Variants in LRRTM4 observed in about 807,000 individuals in gnomAD.
The protein encoded by LRRTM4 is leucine-rich repeat transmembrane neuronal protein 4.
A neutral mutation model predicts 47.6 loss-of-function variants in LRRTM4; 25 were observed. That is an observed-to-expected ratio of 0.53 (90% CI 0.38 to 0.73). LRRTM4 has a LOEUF of 0.73. Among genes scored for constraint, LRRTM4 ranks in the 30% least tolerant of loss-of-function variants. The pLI is 0.00. For synonymous variants in LRRTM4, 311 were observed against 269.5 expected, an observed-to-expected ratio of 1.15 and a Z score of -1.51; for missense variants, 638 against 713.4, an observed-to-expected ratio of 0.89 and a Z score of 1.20.
intron 3 of LRRTM4, among the ~76,000 whole-genome samples, chr2:77,018,181 C>T (rs1360572517): frequency 2.0e-5 from 3 of 148,326 alleles, no homozygotes; most frequent in African/African-American, 7.5e-5. Context: ...AAAAATAGGT[C>T]CCCCAAAGAA....
intron 3 of LRRTM4, among the ~76,000 whole-genome samples, chr2:77,014,184 T>C (rs1457880842): frequency 1.3e-5 from 2 of 151,908 alleles, no homozygotes; most frequent in African/African-American, 2.4e-5. Context: ...AAGAGGAGTA[T>C]ACAAAGGCAA....
chr2:76,995,480 A>G (rs983384963), intron 3 of LRRTM4, among the ~76,000 whole-genome samples: 3 of 151,994 alleles, frequency 2.0e-5, no homozygotes, highest in African/African-American at 7.2e-5. Flanking sequence ...ACAGCAATAA[A>G]TGAAGCCTGA....
intron 3 of LRRTM4, among the ~76,000 whole-genome samples, chr2:76,948,491 T>A (rs1190164940): frequency 6.6e-6 from 1 of 151,830 alleles, no homozygotes; most frequent in Non-Finnish European, 1.5e-5. Context: ...CTTTTCATAT[T>A]TTTTTGATAT....
chr2:77,230,650 C>T (rs75051142), intron 3 of LRRTM4, among the ~76,000 whole-genome samples: 3,076 of 151,976 alleles, frequency 0.02, 111 homozygotes, highest in African/African-American at 0.071. Flanking sequence ...TCTATGTAAT[C>T]GGGGGTTTTA....
intron 3 of LRRTM4, among the ~76,000 whole-genome samples, chr2:77,020,799 G>A (rs1678239975): frequency 6.6e-6 from 1 of 152,148 alleles, no homozygotes; most frequent in African/African-American, 2.4e-5. Context: ...CAACAACAAC[G>A]AAGATGCTGA....
intron 3 of LRRTM4, among the ~76,000 whole-genome samples, chr2:76,844,424 C>T (rs1007068648): frequency 7.2e-5 from 11 of 152,142 alleles, no homozygotes; most frequent in African/African-American, 2.2e-4. Flanking sequence ...TGTGAGCCAC[C>T]GTGCCTGGCC....
At chr2:77,043,064 G>C (rs189554536) in intron 3 of LRRTM4, among the ~76,000 whole-genome samples, 2 of 151,690 alleles carry the variant, frequency 1.3e-5, no homozygotes, top group African/African-American at 4.8e-5. Flanking sequence ...CCATGGTTTC[G>C]TTAGGCCTAC....
At chr2:77,493,301 A>G (rs187074192) in intron 3 of LRRTM4, among the ~76,000 whole-genome samples, 8 of 152,216 alleles carry the variant, frequency 5.3e-5, no homozygotes, top group African/African-American at 1.9e-4. Flanking sequence ...AACAGGGAAA[A>G]TGAATCGGTA....
intron 3 of LRRTM4, among the ~76,000 whole-genome samples, chr2:76,831,050 A>G (rs924923097): frequency 3.9e-5 from 6 of 152,234 alleles, no homozygotes; most frequent in Middle Eastern, 6.8e-3. Flanking sequence ...GCTCTTACAA[A>G]GTTAATGATG....
chr2:76,817,759 G>A (rs952476587), intron 3 of LRRTM4, among the ~76,000 whole-genome samples: 1 of 151,864 alleles, frequency 6.6e-6, no homozygotes, highest in African/African-American at 2.4e-5. Flanking sequence ...TGCTTAAATG[G>A]TCTTTGAACA....
intron 3 of LRRTM4, among the ~76,000 whole-genome samples, chr2:76,834,908 GT>G (rs1671465737): frequency 2.0e-5 from 3 of 152,110 alleles, no homozygotes; most frequent in Admixed American, 6.6e-5. Context: ...GACTGGAAAA[GT>G]TTGATCTTCC....
intron 3 of LRRTM4, among the ~76,000 whole-genome samples, chr2:77,492,479 G>GTT (rs1285573297): frequency 7.2e-5 from 11 of 152,060 alleles, no homozygotes; most frequent in Non-Finnish European, 1.2e-4. Flanking sequence ...GGCTGGACTT[G>GTT]AACTCCTGGC....
intron 3 of LRRTM4, among the ~76,000 whole-genome samples, chr2:77,345,264 G>A (rs559707326): frequency 4.0e-4 from 61 of 151,710 alleles, no homozygotes; most frequent in African/African-American, 1.4e-3. Context: ...AAAAGAAAAA[G>A]GGAATGTCAA....
At chr2:76,783,538 C>T (rs1573096680) in intron 3 of LRRTM4, among the ~76,000 whole-genome samples, 1 of 152,180 alleles carries the variant, frequency 6.6e-6, no homozygotes, top group African/African-American at 2.4e-5. Flanking sequence ...GCGTAACTCC[C>T]CGTATTCTCC....
chr2:77,250,598 T>A (rs1001633759), intron 3 of LRRTM4, among the ~76,000 whole-genome samples: 7 of 152,212 alleles, frequency 4.6e-5, no homozygotes, highest in East Asian at 1.9e-4. Context: ...AATATTTAAA[T>A]GTACATATAT....
At chr2:77,513,689 C>T (rs1679104498) in intron 3 of LRRTM4, among the ~76,000 whole-genome samples, 1 of 151,992 alleles carries the variant, frequency 6.6e-6, no homozygotes, top group South Asian at 2.1e-4. Flanking sequence ...CCTCAACCTC[C>T]CTAGTAACTG....
chr2:76,913,924 A>C (rs923796656), intron 3 of LRRTM4, among the ~76,000 whole-genome samples: 21 of 152,052 alleles, frequency 1.4e-4, no homozygotes, highest in African/African-American at 4.6e-4. Flanking sequence ...CCTTTTTTAG[A>C]GCATATGCTA....
At chr2:77,391,315 G>A (rs1573352324) in intron 3 of LRRTM4, among the ~76,000 whole-genome samples, 1 of 152,078 alleles carries the variant, frequency 6.6e-6, no homozygotes, top group Non-Finnish European at 1.5e-5. Context: ...CTCTGCAGAT[G>A]GTTATCTCTG....
intron 3 of LRRTM4, among the ~76,000 whole-genome samples, chr2:76,919,544 T>A (rs1674368708): frequency 6.6e-6 from 1 of 152,146 alleles, no homozygotes; most frequent in South Asian, 2.1e-4. Context: ...TGTAAGGATA[T>A]GATGTTTGAA....
Sources: allele counts gnomAD v4.1 joint callset (sites outside exome capture counted in the v4.1 genomes callset), GRCh38; gene constraint gnomAD v4.1.1; transcripts MANE v1.5; gene names NCBI Gene and HGNC (gene_info 2026-07-23, HGNC 2026-07-21).